Variants in CFAP299 observed in about 807,000 individuals in gnomAD.
CFAP299 encodes cilia- and flagella-associated protein 299.
In CFAP299, 21 loss-of-function variants were observed where a neutral mutation model predicts 27.0. The observed-to-expected ratio is 0.78, with a 90% confidence interval of 0.55 to 1.12. The LOEUF is 1.12. Ranked by LOEUF, CFAP299 falls within the 50% of genes most tolerant of loss-of-function variation. The pLI is 0.00. For missense variants in CFAP299, 310 were observed against 276.6 expected, an observed-to-expected ratio of 1.12 and a Z score of -0.86; for synonymous variants, 104 against 98.1, an observed-to-expected ratio of 1.06 and a Z score of -0.36.
At chr4:80,738,147 A>G (rs1443413753) in intron 3 of CFAP299, among the ~76,000 whole-genome samples, 2 of 152,200 alleles carry the variant, frequency 1.3e-5, no homozygotes, top group Non-Finnish European at 2.9e-5. Context: ...GTGACCTAAC[A>G]TATGGACTAT....
chr4:80,689,125 A>G (rs1720455369), intron 3 of CFAP299, among the ~76,000 whole-genome samples: 1 of 152,200 alleles, frequency 6.6e-6, no homozygotes, highest in African/African-American at 2.4e-5. Flanking sequence ...TCTGCAGGAT[A>G]TTATCCAGGA....
chr4:80,689,321 C>G (rs1244625652), intron 3 of CFAP299, among the ~76,000 whole-genome samples: 1 of 151,832 alleles, frequency 6.6e-6, no homozygotes, highest in African/African-American at 2.4e-5. Context: ...AAAGGGAAGC[C>G]CATCAGACTA....
chr4:80,713,091 A>G (rs1722269384), intron 3 of CFAP299, among the ~76,000 whole-genome samples: 1 of 152,162 alleles, frequency 6.6e-6, no homozygotes. Flanking sequence ...TGTAGGAGTT[A>G]ACCTAATAGA....
intron 4 of CFAP299, among the ~76,000 whole-genome samples, chr4:80,932,727 T>C (rs961882335): frequency 6.6e-6 from 1 of 152,204 alleles, no homozygotes; most frequent in African/African-American, 2.4e-5. Flanking sequence ...TACAGAAACA[T>C]TGAATATATC....
At chr4:80,784,450 T>C (rs1386544177) in intron 3 of CFAP299, among the ~76,000 whole-genome samples, 1 of 152,198 alleles carries the variant, frequency 6.6e-6, no homozygotes, top group African/African-American at 2.4e-5. Context: ...ACTAGTGATA[T>C]TGAATGCCTT....
intron 1 of CFAP299, among the ~76,000 whole-genome samples, chr4:80,343,014 G>A (rs1390158362): frequency 1.3e-5 from 2 of 152,118 alleles, no homozygotes; most frequent in African/African-American, 4.8e-5. Flanking sequence ...GAAAAAAGCA[G>A]GGGTTGCAAT....
chr4:80,448,001 C>G (rs1728727176), intron 2 of CFAP299, among the ~76,000 whole-genome samples: 1 of 152,218 alleles, frequency 6.6e-6, no homozygotes, highest in South Asian at 2.1e-4. Flanking sequence ...TGCAGCCTCA[C>G]TCATTGGCAC....
At chr4:80,368,870 G>A (rs1476778466) in intron 2 of CFAP299, among the ~76,000 whole-genome samples, 3 of 152,148 alleles carry the variant, frequency 2.0e-5, no homozygotes, top group African/African-American at 4.8e-5. Context: ...TCAAACCAAA[G>A]CAATACAGTT....
At chr4:80,387,593 T>C in intron 2 of CFAP299, 5 of 1,178,456 alleles carry the variant, frequency 4.2e-6, no homozygotes, top group Non-Finnish European at 6.4e-6. Flanking sequence ...ACCTGTACAG[T>C]CACAGAGTTT....
chr4:80,823,719 T>A (rs1409244130), intron 3 of CFAP299, among the ~76,000 whole-genome samples: 1 of 152,212 alleles, frequency 6.6e-6, no homozygotes, highest in Non-Finnish European at 1.5e-5. Flanking sequence ...GTACTCTGCA[T>A]AGATATCATG....
chr4:80,742,710 G>A (rs1337571310), intron 3 of CFAP299, among the ~76,000 whole-genome samples: 3 of 152,158 alleles, frequency 2.0e-5, no homozygotes, highest in Non-Finnish European at 4.4e-5. Context: ...AAATAAAAAT[G>A]AGATAATTTT....
intron 3 of CFAP299, among the ~76,000 whole-genome samples, chr4:80,865,289 A>C (rs774303167): frequency 2.0e-5 from 3 of 152,210 alleles, no homozygotes; most frequent in Non-Finnish European, 2.9e-5. Flanking sequence ...ACTCTGGAGC[A>C]AAATATGCAT....
At chr4:80,823,960 A>C (rs774892443) in intron 3 of CFAP299, among the ~76,000 whole-genome samples, 1 of 152,174 alleles carries the variant, frequency 6.6e-6, no homozygotes, top group Non-Finnish European at 1.5e-5. Context: ...AAATTTTTAT[A>C]ATAAAATGTC....
intron 5 of CFAP299, among the ~76,000 whole-genome samples, chr4:80,955,967 A>G (rs961191974): frequency 2.6e-5 from 4 of 152,148 alleles, no homozygotes; most frequent in Non-Finnish European, 5.9e-5. Flanking sequence ...TTGTGCCACT[A>G]CACTCCAGCC....
intron 2 of CFAP299, among the ~76,000 whole-genome samples, chr4:80,511,313 C>G (rs1020133398): frequency 2.0e-5 from 3 of 152,090 alleles, no homozygotes; most frequent in Non-Finnish European, 4.4e-5. Flanking sequence ...ATGTTGGTAA[C>G]TGTTATTATT....
intron 2 of CFAP299, among the ~76,000 whole-genome samples, chr4:80,452,521 A>G (rs1263522478): frequency 1.3e-5 from 2 of 152,170 alleles, no homozygotes; most frequent in East Asian, 3.9e-4. Flanking sequence ...ACATACTGCT[A>G]TTTGGGTAAA....
At chr4:80,519,189 T>C (rs1416174310) in intron 2 of CFAP299, among the ~76,000 whole-genome samples, 1 of 150,088 alleles carries the variant, frequency 6.7e-6, no homozygotes, top group African/African-American at 2.5e-5. Flanking sequence ...TGTGTGTGTG[T>C]GTGTGTGTAT....
chr4:80,386,620 A>C (rs1725021018), intron 2 of CFAP299: 1 of 1,598,338 alleles, frequency 6.3e-7, no homozygotes, highest in Non-Finnish European at 8.6e-7. Flanking sequence ...TGGCACAGCC[A>C]GCATAGCGGA....
At chr4:80,440,077 A>G (rs1274128557) in intron 2 of CFAP299, among the ~76,000 whole-genome samples, 3 of 152,078 alleles carry the variant, frequency 2.0e-5, no homozygotes, top group African/African-American at 7.2e-5. Flanking sequence ...TAAAACTCCC[A>G]TCTCCCTGGG....
Sources: allele counts gnomAD v4.1 joint callset (sites outside exome capture counted in the v4.1 genomes callset), GRCh38; gene constraint gnomAD v4.1.1; transcripts MANE v1.5; gene names NCBI Gene and HGNC (gene_info 2026-07-23, HGNC 2026-07-21).